Variants in NF2 observed in about 807,000 individuals in gnomAD.
NF2 encodes the protein merlin.
In NF2, 8 loss-of-function variants were observed where a neutral mutation model predicts 83.7. The ratio of observed to expected loss-of-function variants is 0.10; its 90% CI spans 0.06 to 0.17. The LOEUF is 0.17. NF2 is among the 10% of genes least tolerant of loss of function. The pLI, the probability that NF2 is intolerant of heterozygous loss-of-function variation, is 1.00. For synonymous variants in NF2, 266 were observed against 269.6 expected (o/e 0.99, Z 0.13); for missense variants, 533 against 744.4 (o/e 0.72, Z 3.31).
At chr22:29,625,063 C>T (rs561152304) in intron 1 of NF2, among the ~76,000 whole-genome samples, 24 of 151,974 alleles carry the variant, frequency 1.6e-4, no homozygotes, top group African/African-American at 3.1e-4. Flanking sequence ...CTCAGCCTTC[C>T]GAGAAGCTGG....
Position 29,648,517 on chromosome 22 carries a change from C to T in NF2, c.448-6140C>T, listed in dbSNP as rs900860389. Among the ~76,000 whole-genome samples the T allele has an allele frequency of 1.2e-4, 18 of 152,194 alleles. No homozygotes were observed. In the East Asian group the frequency reaches 1.9e-3, roughly 16 times the overall value. On this transcript the variant is annotated intron_variant, in intron 4 of 15. Coordinates refer to ENST00000338641, the MANE Select transcript of NF2 (RefSeq NM_000268.4). ...TGTAGAGCACCAAGTGTGGAAGGGACGGGTGGAAGTGAGGAGACACACCGC... is the reference window on the plus strand; with the variant it reads ...TGTAGAGCACCAAGTGTGGAAGGGATGGGTGGAAGTGAGGAGACACACCGC...
intron 11 of NF2, among the ~76,000 whole-genome samples, chr22:29,672,563 C>T (rs904058583): frequency 9.2e-5 from 14 of 152,038 alleles, no homozygotes; most frequent in African/African-American, 3.1e-4. Context: ...CTGCCCGCCT[C>T]AGCCTCCCAA....
chr22:29,681,697 A>G (rs1278768609), intron 15 of NF2, 96 bp downstream of exon 15: 2 of 1,458,736 alleles, frequency 1.4e-6, no homozygotes, highest in African/African-American at 2.8e-5. Context: ...AAGTCACTAG[A>G]CTATTGGCAT....
At chr22:29,633,107 G>A (rs1261564382) in intron 1 of NF2, among the ~76,000 whole-genome samples, 2 of 152,196 alleles carry the variant, frequency 1.3e-5, no homozygotes. Context: ...TTGGAAAGTG[G>A]AACCTGATGT....
At chr22:29,688,104 G>T (rs9614029) in intron 15 of NF2, among the ~76,000 whole-genome samples, 8,359 of 152,200 alleles carry the variant, frequency 0.055, 297 homozygotes, top group Non-Finnish European at 0.082. Context: ...AGACTGTATC[G>T]GCCTCTTCTA....
chr22:29,670,217 C>G (rs1211486027), intron 10 of NF2, among the ~76,000 whole-genome samples: 1 of 152,160 alleles, frequency 6.6e-6, no homozygotes, highest in African/African-American at 2.4e-5. Flanking sequence ...AGGCTGATCT[C>G]AAACTCCTGG....
At chr22:29,654,500 T>A (rs1477587563) in intron 4 of NF2, among the ~76,000 whole-genome samples, 157 bp from the exon 5 acceptor site, 2 of 152,252 alleles carry the variant, frequency 1.3e-5, no homozygotes, top group Admixed American at 1.3e-4. Context: ...TGTATTTTCA[T>A]TCAAGGATAA....
At chr22:29,682,862 T>A (rs1038843677) in intron 15 of NF2, 1 of 795,670 alleles carries the variant, frequency 1.3e-6, no homozygotes, top group African/African-American at 1.7e-5. Flanking sequence ...AAACCTGCAG[T>A]GTGAGAGCTG....
chr22:29,663,030 A>G (rs998728237), intron 8 of NF2, among the ~76,000 whole-genome samples: 3 of 152,120 alleles, frequency 2.0e-5, no homozygotes, highest in Non-Finnish European at 4.4e-5. Flanking sequence ...TATGGTTGGG[A>G]TCTACTCAGC....
At chr22:29,682,737 A>G (rs1444386745) in intron 15 of NF2, among the ~76,000 whole-genome samples, 2 of 152,156 alleles carry the variant, frequency 1.3e-5, no homozygotes, top group African/African-American at 4.8e-5. Flanking sequence ...CAGCCCTTAA[A>G]TGAACTGCCT....
At chr22:29,651,826 C>G (rs2066156255) in intron 4 of NF2, among the ~76,000 whole-genome samples, 1 of 152,146 alleles carries the variant, frequency 6.6e-6, no homozygotes, top group South Asian at 2.1e-4. Context: ...GAATTTACAG[C>G]TTTAACTTTG....
At chr22:29,622,646 AT>A (rs35744962) in intron 1 of NF2, among the ~76,000 whole-genome samples, 4,808 of 63,062 alleles carry the variant, frequency 0.076, 37 homozygotes, top group African/African-American at 0.14. Context: ...AAGACCCTGT[AT>A]TTTTTTTTTT....
At chr22:29,689,166 A>G (rs1448868629) in intron 15 of NF2, among the ~76,000 whole-genome samples, 1 of 118,918 alleles carries the variant, frequency 8.4e-6, no homozygotes, top group Non-Finnish European at 1.6e-5. Flanking sequence ...CAACGGAGTG[A>G]GACTCCGTCT....
At chr22:29,615,265 C>T (rs115820092) in intron 1 of NF2, among the ~76,000 whole-genome samples, 3 of 152,248 alleles carry the variant, frequency 2.0e-5, no homozygotes, top group African/African-American at 7.2e-5. Flanking sequence ...TAAAATGGTG[C>T]AGCCAGTTTG....
At chr22:29,628,338 G>T (rs2065422049) in intron 1 of NF2, among the ~76,000 whole-genome samples, 2 of 152,092 alleles carry the variant, frequency 1.3e-5, no homozygotes, top group Non-Finnish European at 2.9e-5. Context: ...GGAGACAAAG[G>T]GATAGATCTT....
chr22:29,640,719 T>C (rs1601586661), intron 3 of NF2, among the ~76,000 whole-genome samples: 1 of 152,074 alleles, frequency 6.6e-6, no homozygotes, highest in Non-Finnish European at 1.5e-5. Context: ...AAATATTAAG[T>C]TAAATATAAT....
At chr22:29,619,464 T>C (rs2065158957) in intron 1 of NF2, among the ~76,000 whole-genome samples, 2 of 152,100 alleles carry the variant, frequency 1.3e-5, no homozygotes, top group Admixed American at 6.6e-5. Flanking sequence ...TGGCGTGATC[T>C]CAGCTCACTT....
At chr22:29,674,662 C>T (rs1370133783) in intron 12 of NF2, among the ~76,000 whole-genome samples, 174 bp from the exon 13 acceptor site, 3 of 152,180 alleles carry the variant, frequency 2.0e-5, no homozygotes, top group African/African-American at 7.2e-5. Context: ...GGAATGTTGT[C>T]CTTGCTTGGA....
chr22:29,639,839 G>A (rs369084047), intron 3 of NF2, among the ~76,000 whole-genome samples: 1 of 130,006 alleles, frequency 7.7e-6, no homozygotes, highest in Non-Finnish European at 1.5e-5. Context: ...CCAAGATCGC[G>A]CCACTGCACT....
Sources: allele counts gnomAD v4.1 joint callset (sites outside exome capture counted in the v4.1 genomes callset), GRCh38; gene constraint gnomAD v4.1.1; transcripts MANE v1.5; gene names NCBI Gene and HGNC (gene_info 2026-07-23, HGNC 2026-07-21).